UNC5C: variants seen among roughly 807,000 people sequenced by gnomAD.
UNC5C encodes the protein netrin receptor UNC5C.
Under a neutral mutation model 99.8 loss-of-function variants are expected in UNC5C, and 47 were observed. The ratio of observed to expected loss-of-function variants is 0.47; its 90% CI spans 0.37 to 0.60. The LOEUF is 0.60. UNC5C is among the 20% of genes least tolerant of loss of function. UNC5C has a pLI of 0.00. For synonymous variants in UNC5C, 487 were observed against 452.2 expected, an observed-to-expected ratio of 1.08 and a Z score of -0.98; for missense variants, 1,062 against 1,165.9, an observed-to-expected ratio of 0.91 and a Z score of 1.30.
Position 95,219,253 on chromosome 4 carries a change from T to C in UNC5C, c.1361A>G (p.Tyr454Cys), listed in dbSNP as rs539639757. The stretch of plus-strand genomic sequence containing the variant: ...TTTGTCTGAGACGTCATGCAGGGCA[T>C]AGACAGGTCCTCTGTACATGGCTGC... ...SAAAMYRGPVYALHDVSDKIP... is the reference protein window; with the variant it reads ...SAAAMYRGPVCALHDVSDKIP... Residue 454 changes from tyrosine (Y) to cysteine (C), a missense_variant, in exon 9 of 16, where the codon TAT becomes TGT. Physicochemically the swap from Tyr to Cys is radical, Grantham distance 194. Transcript: ENST00000453304. The C allele has an allele frequency of 2.5e-6, 4 of 1,614,152 alleles. No homozygotes were observed. In the Admixed American group the frequency reaches 5.0e-5, roughly 20 times the overall value.
At chr4:95,292,236 C>CAT (rs71583696) in intron 3 of UNC5C, among the ~76,000 whole-genome samples, 5,193 of 88,386 alleles carry the variant, frequency 0.059, 90 homozygotes, top group Non-Finnish European at 0.065. Flanking sequence ...CACACACACA[C>CAT]ATATATATAT....
intron 12 of UNC5C, among the ~76,000 whole-genome samples, chr4:95,192,562 A>C (rs1579217058): frequency 2.0e-5 from 2 of 100,630 alleles, no homozygotes; most frequent in African/African-American, 4.0e-5. Flanking sequence ...TCTTCTGCTT[A>C]CCTCTTCCCC....
At chr4:95,436,701 T>G (rs1746802988) in intron 1 of UNC5C, among the ~76,000 whole-genome samples, 1 of 151,956 alleles carries the variant, frequency 6.6e-6, no homozygotes, top group Non-Finnish European at 1.5e-5. Flanking sequence ...AGAATAATGC[T>G]AGTCAATCTA....
At chr4:95,247,913 TTA>T (rs1368519490) in intron 5 of UNC5C, 10 of 152,338 alleles carry the variant, frequency 6.6e-5, no homozygotes, top group African/African-American at 2.4e-4. Context: ...TCAAATGTTG[TTA>T]ATCAAGTCTT....
intron 1 of UNC5C, among the ~76,000 whole-genome samples, chr4:95,526,157 T>G (rs570455759): frequency 6.6e-6 from 1 of 152,246 alleles, no homozygotes; most frequent in Non-Finnish European, 1.5e-5. Context: ...ATCTAACTTT[T>G]CCCCTAGTGA....
chr4:95,269,522 G>A (rs1386351205), intron 4 of UNC5C, among the ~76,000 whole-genome samples: 2 of 151,048 alleles, frequency 1.3e-5, no homozygotes, highest in Non-Finnish European at 1.5e-5. Flanking sequence ...TCCTAGGCTC[G>A]AGTGATCCTA....
At chr4:95,488,027 G>A (rs1315502559) in intron 1 of UNC5C, among the ~76,000 whole-genome samples, 4 of 151,642 alleles carry the variant, frequency 2.6e-5, no homozygotes, top group South Asian at 2.1e-4. Context: ...TAGGACTAAC[G>A]ATAGTGATAA....
intron 1 of UNC5C, among the ~76,000 whole-genome samples, chr4:95,463,809 A>G (rs1332982183): frequency 2.6e-5 from 4 of 152,198 alleles, no homozygotes; most frequent in African/African-American, 9.7e-5. Flanking sequence ...TACTCCATAT[A>G]CAAAGATGAA....
intron 2 of UNC5C, among the ~76,000 whole-genome samples, chr4:95,317,646 G>A (rs1404997082): frequency 1.3e-5 from 2 of 152,150 alleles, no homozygotes; most frequent in Non-Finnish European, 2.9e-5. Context: ...GCTATGCAGA[G>A]CCAGGCTGAG....
intron 14 of UNC5C, among the ~76,000 whole-genome samples, chr4:95,176,578 T>G (rs1736357923): frequency 6.6e-6 from 1 of 152,038 alleles, no homozygotes; most frequent in African/African-American, 2.4e-5. Flanking sequence ...AGGGACCCAC[T>G]TGAGGAGGCA....
chr4:95,252,515 G>A (rs1267510931), intron 4 of UNC5C, among the ~76,000 whole-genome samples: 1 of 152,112 alleles, frequency 6.6e-6, no homozygotes, highest in African/African-American at 2.4e-5. Flanking sequence ...TGACTAATGG[G>A]TGCAGAAATA....
intron 4 of UNC5C, among the ~76,000 whole-genome samples, chr4:95,272,039 G>A (rs1215576592): frequency 7.8e-6 from 1 of 128,990 alleles, no homozygotes; most frequent in Non-Finnish European, 1.6e-5. Context: ...TCAGATCTCA[G>A]CTCCATTACT....
intron 1 of UNC5C, among the ~76,000 whole-genome samples, chr4:95,381,544 C>T (rs551333750): frequency 4.2e-4 from 64 of 152,108 alleles, no homozygotes; most frequent in Non-Finnish European, 4.9e-4. Context: ...TATCACTGTC[C>T]GTGAGACAGT....
chr4:95,302,258 C>A (rs755735510), intron 2 of UNC5C, among the ~76,000 whole-genome samples: 19 of 152,168 alleles, frequency 1.2e-4, no homozygotes, highest in Non-Finnish European at 2.2e-4. Context: ...CCTTTGTTAA[C>A]AAGCTTCTGG....
intron 3 of UNC5C, among the ~76,000 whole-genome samples, chr4:95,287,747 T>C (rs912318872): frequency 6.6e-6 from 1 of 152,230 alleles, no homozygotes; most frequent in Non-Finnish European, 1.5e-5. Flanking sequence ...CAGAAACTCC[T>C]GATATGCAAT....
At chr4:95,536,325 C>T (rs1167893556) in intron 1 of UNC5C, among the ~76,000 whole-genome samples, 1 of 152,136 alleles carries the variant, frequency 6.6e-6, no homozygotes, top group Non-Finnish European at 1.5e-5. Flanking sequence ...ATCCACCGGC[C>T]TTGGCCTCCC....
At chr4:95,454,775 T>C (rs1175491153) in intron 1 of UNC5C, among the ~76,000 whole-genome samples, 1 of 152,132 alleles carries the variant, frequency 6.6e-6, no homozygotes, top group African/African-American at 2.4e-5. Flanking sequence ...TATGACTCAA[T>C]GATTTTCTGG....
intron 1 of UNC5C, among the ~76,000 whole-genome samples, chr4:95,509,985 T>C (rs556308478): frequency 4.1e-4 from 62 of 152,030 alleles, no homozygotes; most frequent in African/African-American, 1.4e-3. Flanking sequence ...TGACATGTAA[T>C]AGAAGACAGG....
chr4:95,203,081 TCTCA>T (rs1737748122), intron 11 of UNC5C, 117 bp from the exon 12 acceptor site: 1 of 825,482 alleles, frequency 1.2e-6, no homozygotes, highest in South Asian at 1.7e-5. Context: ...CTTTTTTCTC[TCTCA>T]GAGTTTATAA....
Sources: allele counts gnomAD v4.1 joint callset (sites outside exome capture counted in the v4.1 genomes callset), GRCh38; gene constraint gnomAD v4.1.1; transcripts MANE v1.5; gene names NCBI Gene and HGNC (gene_info 2026-07-23, HGNC 2026-07-21).